Variants in VPS13B observed in about 807,000 individuals in gnomAD.
The protein encoded by VPS13B is intermembrane lipid transfer protein VPS13B.
A neutral mutation model predicts 426.4 loss-of-function variants in VPS13B; 285 were observed. The observed-to-expected ratio is 0.67, with a 90% confidence interval of 0.61 to 0.74. The LOEUF is 0.74. Among genes scored for constraint, VPS13B ranks in the 30% least tolerant of loss-of-function variants. The pLI is 0.00. For missense variants in VPS13B, 4,537 were observed against 4,782.6 expected, an observed-to-expected ratio of 0.95 and a Z score of 1.51; for synonymous variants, 1,676 against 1,676.4, an observed-to-expected ratio of 1.00 and a Z score of 0.01.
At chr8:99,085,735 C>T (rs565496242) in intron 3 of VPS13B, among the ~76,000 whole-genome samples, 1 of 152,222 alleles carries the variant, frequency 6.6e-6, no homozygotes, top group African/African-American at 2.4e-5. Context: ...ATATGAAATT[C>T]TGGGTTGAAA....
chr8:99,851,270 C>T (rs1434746139), intron 55 of VPS13B, among the ~76,000 whole-genome samples: 1 of 152,104 alleles, frequency 6.6e-6, no homozygotes, highest in Non-Finnish European at 1.5e-5. Context: ...TTTTCAAGGG[C>T]TTATTGGATG....
intron 33 of VPS13B, among the ~76,000 whole-genome samples, chr8:99,623,552 G>T (rs1375313973): frequency 6.6e-6 from 1 of 152,084 alleles, no homozygotes; most frequent in Non-Finnish European, 1.5e-5. Flanking sequence ...CTACTAATTT[G>T]TTGAATAAGT....
intron 33 of VPS13B, chr8:99,613,955 A>G (rs1827953342): frequency 6.6e-6 from 1 of 152,148 alleles, no homozygotes; most frequent in African/African-American, 2.4e-5. Context: ...CACCATATTG[A>G]TGCTGAACTT....
intron 20 of VPS13B, among the ~76,000 whole-genome samples, chr8:99,390,363 A>T (rs772303079): frequency 3.9e-5 from 6 of 152,156 alleles, no homozygotes; most frequent in Non-Finnish European, 7.4e-5. Context: ...TCAGCCTCCC[A>T]AGTGCTGGGA....
intron 20 of VPS13B, among the ~76,000 whole-genome samples, chr8:99,387,428 GC>G (rs1372079857): frequency 1.3e-5 from 2 of 151,722 alleles, no homozygotes; most frequent in African/African-American, 2.4e-5. Flanking sequence ...TCACTATATT[GC>G]CCCGGCTCGT....
At position 99,174,237 on chromosome 8, in the gene VPS13B, A is replaced by T. The variant is rs2132674290; in HGVS notation, c.2333+4074A>T. Among the ~76,000 whole-genome samples the T allele has an allele frequency of 3.3e-5, 5 of 152,328 alleles. 1 individual carries two copies. Among genetic ancestry groups the T allele is most frequent in the African/African-American group, 1.2e-4 (5 of 41,576 alleles). ...TTTGTTTATCCATTTATCCATTGAC[A>T]AATACCTCTCACCTTTTAGCTATTG... is the stretch of plus-strand genomic sequence containing the variant. On this transcript the variant is annotated intron_variant, in intron 16 of 61. Transcript: ENST00000357162.
intron 7 of VPS13B, chr8:99,120,237 G>C (rs1222344806): frequency 1.3e-5 from 2 of 150,872 alleles, no homozygotes; most frequent in East Asian, 1.9e-4. Flanking sequence ...TTTTTAGTAG[G>C]GACAGGGTTT....
chr8:99,563,373 G>A (rs151086367), intron 31 of VPS13B, among the ~76,000 whole-genome samples: 217 of 152,258 alleles, frequency 1.4e-3, no homozygotes, highest in Admixed American at 5.1e-3. Flanking sequence ...GACAAATACA[G>A]CATAGTTAGG....
chr8:99,042,692 G>A (rs1170191878), intron 3 of VPS13B, among the ~76,000 whole-genome samples: 2 of 151,984 alleles, frequency 1.3e-5, no homozygotes, highest in East Asian at 3.9e-4. Flanking sequence ...TTGCTGTGTT[G>A]CCCAGGCTGG....
In VPS13B at chr8:99,698,679, AT is replaced by A. The variant is rs1167693593; in HGVS notation, c.6047-845del. 6.6e-5 allele frequency among the ~76,000 whole-genome samples: 10 copies of A among 152,342 alleles called. No homozygotes were observed. The East Asian group carries it at 1.9e-3, about 29-fold the overall frequency. Reference sequence around the variant, plus strand: ...TCAGTTAAGCTCAAACATTTGTTGAATGCATGCATATGTAAGACACATTGTG... The same window carrying A: ...TCAGTTAAGCTCAAACATTTGTTGAAGCATGCATATGTAAGACACATTGTG... On this transcript the variant is annotated intron_variant, in intron 35 of 61. Coordinates refer to ENST00000357162, the MANE Select transcript of VPS13B (RefSeq NM_152564.5).
rs763518845 is a variant in VPS13B, at chr8:99,511,424, A to T, written c.4545A>T (p.Thr1515=). The T allele has an allele frequency of 1.2e-6, 2 of 1,613,488 alleles. No homozygotes were observed. The highest frequency in any genetic ancestry group is 1.7e-6 in the Non-Finnish European group (2 of 1,179,954). ...AGCCCATGAGGACCCATACACTGAC[A>T]TCCCGCAATTTACCTTTGATTTATG... is the stretch of plus-strand genomic sequence containing the variant. ...PGQPMRTHTL[T]SRNLPLIYVN... The change falls in exon 29 of 62, where the codon ACA becomes ACT. Residue 1515 remains threonine (T), a synonymous_variant. Coordinates refer to ENST00000357162, the MANE Select transcript of VPS13B (RefSeq NM_152564.5).
intron 19 of VPS13B, among the ~76,000 whole-genome samples, chr8:99,318,430 CAAAG>C (rs1809788288): frequency 6.6e-6 from 1 of 151,712 alleles, no homozygotes; most frequent in Non-Finnish European, 1.5e-5. Context: ...CATTTTAAGA[CAAAG>C]AAAAGAATAA....
At chr8:99,767,056 C>A in intron 40 of VPS13B, 86 bp downstream of exon 40, 1 of 1,329,426 alleles carries the variant, frequency 7.5e-7, no homozygotes, top group Non-Finnish European at 1.1e-6. Flanking sequence ...CCTCACTTAA[C>A]TGTATCTCAG....
chr8:99,716,953 G>A (rs1277490269), intron 36 of VPS13B, among the ~76,000 whole-genome samples: 1 of 152,114 alleles, frequency 6.6e-6, no homozygotes, highest in Non-Finnish European at 1.5e-5. Context: ...AAGTCATAAT[G>A]TTTTGGCAAA....
At chr8:99,181,853 A>C (rs1394212583) in intron 16 of VPS13B, among the ~76,000 whole-genome samples, 1 of 152,116 alleles carries the variant, frequency 6.6e-6, no homozygotes, top group Non-Finnish European at 1.5e-5. Flanking sequence ...AAGAAAATAA[A>C]CTGAGGAACA....
chr8:99,238,677 A>G (rs1380066428), intron 17 of VPS13B, among the ~76,000 whole-genome samples: 1 of 152,204 alleles, frequency 6.6e-6, no homozygotes, highest in East Asian at 1.9e-4. Flanking sequence ...TAATAAAGCT[A>G]AAACAATTGT....
At chr8:99,619,887 A>ATAG (rs1828277671) in intron 33 of VPS13B, among the ~76,000 whole-genome samples, 1 of 81,180 alleles carries the variant, frequency 1.2e-5, no homozygotes, top group Non-Finnish European at 2.4e-5. Flanking sequence ...AATGATGATG[A>ATAG]TAATAATAAT....
chr8:99,731,092 G>C lies in VPS13B; in HGVS notation c.7050+10045G>C, dbSNP rs1021658772. Among the ~76,000 whole-genome samples the C allele has an allele frequency of 3.9e-5, 6 of 152,148 alleles. No homozygotes were observed. The East Asian group carries it at 1.2e-3, about 29-fold the overall frequency. On this transcript the variant is annotated intron_variant, in intron 39 of 61. Transcript: ENST00000357162. ...GATAGAGAGGGCAGAACATATTTCTGGGAAGTGGCAAATCATCTGGTTTGA... is the reference window on the plus strand; with the variant it reads ...GATAGAGAGGGCAGAACATATTTCTCGGAAGTGGCAAATCATCTGGTTTGA...
At chr8:99,343,060 A>T (rs868348326) in intron 19 of VPS13B, among the ~76,000 whole-genome samples, 4 of 151,034 alleles carry the variant, frequency 2.6e-5, no homozygotes, top group Middle Eastern at 6.9e-3. Context: ...GAGAGACACA[A>T]ATGGCAAATG....
Sources: gnomAD v4.1 joint callset for allele counts (sites outside exome capture counted in the v4.1 genomes callset) on GRCh38, gnomAD v4.1.1 for gene constraint, MANE v1.5 for transcripts, NCBI Gene and HGNC (gene_info 2026-07-23, HGNC 2026-07-21) for gene names.